Variants in PTPRE observed in about 807,000 individuals in gnomAD.
PTPRE encodes receptor-type tyrosine-protein phosphatase epsilon.
Under a neutral mutation model 102.0 loss-of-function variants are expected in PTPRE, and 51 were observed. The ratio of observed to expected loss-of-function variants is 0.50; its 90% CI spans 0.40 to 0.63. The LOEUF (loss-of-function observed/expected upper bound fraction) is 0.63, where lower values mean the gene tolerates loss of function less well. PTPRE is among the 30% of genes least tolerant of loss of function. PTPRE has a pLI of 0.00. For missense variants in PTPRE, 752 were observed against 915.1 expected (o/e 0.82, Z 2.30); for synonymous variants, 345 against 348.2 (o/e 0.99, Z 0.10).
chr10:128,056,341 C>A, intron 7 of PTPRE, 128 bp downstream of exon 7: 1 of 729,380 alleles, frequency 1.4e-6, no homozygotes, highest in Non-Finnish European at 2.4e-6. Flanking sequence ...AACTGCTCAG[C>A]ATTTGCACCT....
intron 2 of PTPRE, among the ~76,000 whole-genome samples, chr10:128,020,053 C>T (rs1048212541): frequency 1.6e-4 from 15 of 94,622 alleles, no homozygotes; most frequent in South Asian, 3.2e-4. Context: ...TGTGCACGCG[C>T]GCACGTGTGT....
intron 1 of PTPRE, among the ~76,000 whole-genome samples, chr10:127,947,937 C>T (rs912040971): frequency 6.6e-6 from 1 of 152,154 alleles, no homozygotes; most frequent in Non-Finnish European, 1.5e-5. Context: ...AGCCAACCCC[C>T]CAATAAATAC....
At chr10:127,951,575 C>T (rs1849026913) in intron 1 of PTPRE, among the ~76,000 whole-genome samples, 1 of 152,184 alleles carries the variant, frequency 6.6e-6, no homozygotes, top group African/African-American at 2.4e-5. Context: ...GGGTCCCTGA[C>T]CCCATCCAGC....
intron 1 of PTPRE, among the ~76,000 whole-genome samples, chr10:127,947,228 G>A (rs1848687370): frequency 6.6e-6 from 1 of 152,090 alleles, no homozygotes; most frequent in South Asian, 2.1e-4. Context: ...TTGGAAAAGA[G>A]GTTATATTTT....
intron 1 of PTPRE, chr10:127,934,023 C>T (rs985919247): frequency 2.3e-4 from 24 of 106,414 alleles, no homozygotes; most frequent in Admixed American, 3.8e-4. Flanking sequence ...CCACCCCCCG[C>T]GCACACACAC....
intron 19 of PTPRE, among the ~76,000 whole-genome samples, chr10:128,078,146 G>A (rs1398715359): frequency 2.6e-5 from 4 of 152,244 alleles, no homozygotes; most frequent in South Asian, 2.1e-4. Context: ...GGTTTTGAGA[G>A]ACTGCCTTAC....
Position 128,050,527 on chromosome 10 carries a change from G to A in PTPRE, c.420+861G>A, listed in dbSNP as rs547830620. ...GAAGTAGACAAACAGATATGAGGAAGTATTGTCTTGGATTTTGCTATTCAG... is the reference window on the plus strand; with the variant it reads ...GAAGTAGACAAACAGATATGAGGAAATATTGTCTTGGATTTTGCTATTCAG... On this transcript the variant is annotated intron_variant, in intron 6 of 20. Coordinates refer to ENST00000254667, the MANE Select transcript of PTPRE (RefSeq NM_006504.6). 1.4e-3 allele frequency among the ~76,000 whole-genome samples: 207 copies of A among 152,344 alleles called. 1 individual carries two copies. Among genetic ancestry groups the A allele is most frequent in the African/African-American group, 4.0e-3 (166 of 41,576 alleles).
chr10:127,946,175 G>A (rs1848604263), intron 1 of PTPRE, among the ~76,000 whole-genome samples: 1 of 152,164 alleles, frequency 6.6e-6, no homozygotes, highest in South Asian at 2.1e-4. Context: ...GCCAGCAAGG[G>A]GTGCAGGCTG....
chr10:128,023,369 G>A (rs955349584), intron 2 of PTPRE, among the ~76,000 whole-genome samples: 9 of 152,006 alleles, frequency 5.9e-5, no homozygotes, highest in Admixed American at 1.3e-4. Context: ...TACATAGTAC[G>A]TATAGGAAAA....
At chr10:128,069,507 C>T (rs1223793608) in intron 12 of PTPRE, 185 bp from the exon 13 acceptor site, 12 of 704,134 alleles carry the variant, frequency 1.7e-5, no homozygotes, top group Admixed American at 8.6e-5. Flanking sequence ...ATCAGAGGAC[C>T]GGCCTGAGAT....
intron 1 of PTPRE, among the ~76,000 whole-genome samples, chr10:127,974,237 C>T (rs559792501): frequency 5.8e-4 from 88 of 152,316 alleles, no homozygotes; most frequent in African/African-American, 2.0e-3. Flanking sequence ...CTGAGTTCTG[C>T]GTCCGGTCCT....
intron 9 of PTPRE, 119 bp from the exon 10 acceptor site, chr10:128,062,964 A>G (rs1849741302): frequency 1.3e-6 from 2 of 1,495,524 alleles, no homozygotes; most frequent in East Asian, 2.4e-5. Context: ...TGTGTCCCCA[A>G]CAAGCCTGAG....
At chr10:127,931,963 G>C (rs1847478333) in intron 1 of PTPRE, among the ~76,000 whole-genome samples, 1 of 152,012 alleles carries the variant, frequency 6.6e-6, no homozygotes. Flanking sequence ...CCTTTTATAT[G>C]GTCAGCCAAG....
intron 2 of PTPRE, among the ~76,000 whole-genome samples, chr10:128,006,295 A>G (rs532413969): frequency 6.6e-6 from 1 of 152,322 alleles, no homozygotes; most frequent in Admixed American, 6.5e-5. Context: ...TGGCACCATC[A>G]GGGTCCCTGG....
At chr10:128,013,190 C>T (rs955269171) in intron 2 of PTPRE, among the ~76,000 whole-genome samples, 34 of 152,124 alleles carry the variant, frequency 2.2e-4, no homozygotes, top group African/African-American at 8.0e-4. Flanking sequence ...TAAAGAAAAA[C>T]GTAACCCTGG....
At chr10:128,065,286 T>G (rs958487985) in intron 10 of PTPRE, among the ~76,000 whole-genome samples, 1 of 152,252 alleles carries the variant, frequency 6.6e-6, no homozygotes, top group Admixed American at 6.5e-5. Flanking sequence ...ATATACTCTC[T>G]GACTACTGGC....
At chr10:127,959,660 T>C (rs1397514890) in intron 1 of PTPRE, among the ~76,000 whole-genome samples, 1 of 152,230 alleles carries the variant, frequency 6.6e-6, no homozygotes, top group African/African-American at 2.4e-5. Context: ...TCAACGAGCT[T>C]TAAGCACTTT....
At chr10:128,014,771 G>A (rs1411691740) in intron 2 of PTPRE, among the ~76,000 whole-genome samples, 1 of 152,096 alleles carries the variant, frequency 6.6e-6, no homozygotes, top group African/African-American at 2.4e-5. Context: ...GGGCACTGGG[G>A]GTGGTCAGCG....
chr10:127,987,111 C>G (rs1243047919), intron 2 of PTPRE, among the ~76,000 whole-genome samples: 1 of 152,106 alleles, frequency 6.6e-6, no homozygotes, highest in Non-Finnish European at 1.5e-5. Context: ...CCAGTCCTCC[C>G]TCCCCCCGGA....
Sources: allele counts gnomAD v4.1 joint callset (sites outside exome capture counted in the v4.1 genomes callset), GRCh38; gene constraint gnomAD v4.1.1; transcripts MANE v1.5; gene names NCBI Gene and HGNC (gene_info 2026-07-23, HGNC 2026-07-21).